Variants in JDP2 observed in about 807,000 individuals in gnomAD.
The protein encoded by JDP2 is Jun dimerization protein 2.
In JDP2, 9 loss-of-function variants were observed where a neutral mutation model predicts 17.1. The ratio of observed to expected loss-of-function variants is 0.53; its 90% CI spans 0.32 to 0.92. The LOEUF (loss-of-function observed/expected upper bound fraction) is 0.92, where lower values mean the gene tolerates loss of function less well. Ranked by LOEUF, JDP2 falls within the 40% of genes least tolerant of loss-of-function variation. JDP2 has a pLI of 0.04. For synonymous variants in JDP2, 107 were observed against 95.6 expected, an observed-to-expected ratio of 1.12 and a Z score of -0.69; for missense variants, 179 against 220.0, an observed-to-expected ratio of 0.81 and a Z score of 1.18.
intron 2 of JDP2, among the ~76,000 whole-genome samples, chr14:75,453,396 CACTGACA>C (rs1057167589): frequency 1.3e-5 from 2 of 152,190 alleles, no homozygotes; most frequent in African/African-American, 4.8e-5. Flanking sequence ...CAGGCCTGCT[CACTGACA>C]ACTCAGCACG....
Position 75,473,067 on chromosome 14 carries a change from T to A in JDP2, c.*3592T>A, listed in dbSNP as rs914657778. The A allele has an allele frequency of 2.0e-5, 3 of 152,102 alleles. No homozygotes were observed. In the East Asian group the frequency reaches 5.8e-4, roughly 29 times the overall value. 9.4% of individuals were successfully genotyped at this position (152,102 alleles called of 1,614,324 possible). On this transcript the variant is annotated 3_prime_UTR_variant, in exon 4 of 4. Transcript: ENST00000651602. ...TAGCTATCAGATGGGCAGAAACAAG[T>A]ATGTGTTGGTAAGAATATGGATTAA... is the stretch of plus-strand genomic sequence containing the variant.
intron 2 of JDP2, 120 bp from the exon 3 acceptor site, chr14:75,461,306 C>T: frequency 2.8e-6 from 2 of 714,396 alleles, no homozygotes; most frequent in East Asian, 2.7e-5. Flanking sequence ...GAAGTGATCA[C>T]TTGTTCACTG....
chr14:75,441,118 C>CGA (rs558707428), intron 2 of JDP2, among the ~76,000 whole-genome samples: 1,594 of 150,332 alleles, frequency 0.011, 9 homozygotes, highest in East Asian at 0.021. Flanking sequence ...CTCCTAGTTC[C>CGA]GAGAGAGAGA....
chr14:75,438,054 C>A lies in JDP2; in HGVS notation c.134C>A (p.Ala45Asp). 6.2e-7 allele frequency: 1 copy of A among 1,614,052 alleles called. No individual in the cohort carries two copies. Among genetic ancestry groups the A allele is most frequent in the Non-Finnish European group, 8.5e-7 (1 of 1,179,968 alleles). ...LKYADIRNLGAMIAPLHFLEV... is the reference protein window; with the variant it reads ...LKYADIRNLGDMIAPLHFLEV... ...TACGCTGACATCCGCAACCTCGGGG[C>A]CATGATTGCACCCTTGCACTTCCTG... The change falls in exon 2 of 4, where the codon GCC becomes GAC. Residue 45 changes from alanine to aspartate, a missense_variant. By Grantham distance (126) the Ala-to-Asp change is moderately radical. Coordinates refer to ENST00000651602, the MANE Select transcript of JDP2 (RefSeq NM_001135048.2).
chr14:75,433,055 C>G (rs561373016), intron 1 of JDP2, among the ~76,000 whole-genome samples: 1 of 151,478 alleles, frequency 6.6e-6, no homozygotes, highest in Non-Finnish European at 1.5e-5. Flanking sequence ...ATTAGCCAGG[C>G]ATGGTGGCGC....
Position 75,428,847 on chromosome 14 carries a change from C to T in JDP2, c.-24+595C>T, listed in dbSNP as rs1255541625. Among the ~76,000 whole-genome samples, 1 of 152,128 alleles carries T rather than the reference C, an allele frequency of 6.6e-6. No individual in the cohort carries two copies. Among genetic ancestry groups the T allele is most frequent in the Non-Finnish European group, 1.5e-5 (1 of 68,016 alleles). On this transcript the variant is annotated intron_variant, in intron 1 of 3. Transcript: ENST00000651602. This position sits in a 1 kb window ranked among gnomAD's most constrained non-coding sequence, Gnocchi z 5.6. ...ATGGCCATTGCTTCGGAGCTCTGGG[C>T]TGGGAGGGGATCTAGGGGTGGCCGG...
chr14:75,470,344 AGTCTCT>A lies in JDP2; in HGVS notation c.*871_*876del, dbSNP rs1481068249. The A allele has an allele frequency of 6.7e-6, 1 of 148,618 alleles. No individual in the cohort carries two copies. The highest frequency in any genetic ancestry group is 1.5e-5 in the Non-Finnish European group (1 of 67,222). The allele number at this position is 148,618 out of a possible 1,614,324, so 9.2% of individuals were successfully genotyped here. A position where few individuals can be genotyped will look rare whatever the true frequency, so the allele number is the denominator to read the frequency against. ...GTTGTGTGTAACTCCTAAGTACTGT[AGTCTCT>A]GGGTGTCGGGGGTGGCCAGGGCGGG... On this transcript the variant is annotated 3_prime_UTR_variant, in exon 4 of 4. Coordinates refer to ENST00000651602, the MANE Select transcript of JDP2 (RefSeq NM_001135048.2).
At chr14:75,445,339 G>A (rs1170891433) in intron 2 of JDP2, 5 of 985,396 alleles carry the variant, frequency 5.1e-6, no homozygotes, top group Non-Finnish European at 6.0e-6. Flanking sequence ...TCCAGGTTGT[G>A]TACAACCTGC....
intron 2 of JDP2, among the ~76,000 whole-genome samples, chr14:75,451,512 G>A (rs741846): frequency 0.26 from 39,451 of 152,092 alleles, 6,135 homozygotes; most frequent in East Asian, 0.45. Context: ...GTTGGCATTA[G>A]TGTATGGGTG....
intron 1 of JDP2, among the ~76,000 whole-genome samples, chr14:75,435,715 C>G (rs978967441): frequency 3.3e-5 from 5 of 152,182 alleles, no homozygotes; most frequent in Non-Finnish European, 7.3e-5. Context: ...TCCTTCAGCT[C>G]TAAAACTGTA....
At position 75,441,610 on chromosome 14, in the gene JDP2, A is replaced by T. The variant is rs925981603; in HGVS notation, c.201+3489A>T. Among the ~76,000 whole-genome samples the T allele has an allele frequency of 3.3e-5, 5 of 152,198 alleles. No homozygotes were observed. In the East Asian group the frequency reaches 9.6e-4, roughly 29 times the overall value. On this transcript the variant is annotated intron_variant, in intron 2 of 3. Transcript: ENST00000651602. ...AGCACCACGAAGAAAAATTAAGCAG[A>T]CCAAGGACGTGGCAGTGGTAGGACT...
intron 2 of JDP2, among the ~76,000 whole-genome samples, chr14:75,460,844 A>G (rs1247509621): frequency 6.6e-6 from 1 of 152,160 alleles, no homozygotes; most frequent in Admixed American, 6.5e-5. Flanking sequence ...GTCTTAGTCC[A>G]TTTTGTGTTA....
rs1452076396 is a variant in JDP2, at chr14:75,449,725, C to G, written c.201+11604C>G. On this transcript the variant is annotated intron_variant, in intron 2 of 3. Coordinates refer to ENST00000651602, the MANE Select transcript of JDP2 (RefSeq NM_001135048.2). The stretch of plus-strand genomic sequence containing the variant: ...AAAAGACATCCTTCCCCAAATAGCT[C>G]TTCTCTAGCAAAAGGATTTCCTAGC... Among the ~76,000 whole-genome samples, 3 of 152,360 alleles carry G rather than the reference C, an allele frequency of 2.0e-5. No individual in the cohort carries two copies. In the East Asian group the frequency reaches 5.8e-4, roughly 29 times the overall value.
At chr14:75,461,601 G>A in intron 3 of JDP2, 71 bp downstream of exon 3, 2 of 1,206,752 alleles carry the variant, frequency 1.7e-6, no homozygotes, top group Non-Finnish European at 2.4e-6. Flanking sequence ...GACCAGGAGA[G>A]GCCATCAGAT....
intron 2 of JDP2, among the ~76,000 whole-genome samples, chr14:75,460,370 A>T (rs1886299473): frequency 6.6e-6 from 1 of 152,194 alleles, no homozygotes; most frequent in Admixed American, 6.5e-5. Flanking sequence ...TGTTAGTGAC[A>T]AGAGGAAATG....
At position 75,430,905 on chromosome 14, in the gene JDP2, T is replaced by C. The variant is rs1884766966; in HGVS notation, c.-24+2653T>C. Among the ~76,000 whole-genome samples the C allele has an allele frequency of 6.6e-6, 1 of 152,222 alleles. No individual in the cohort carries two copies. The highest frequency in any genetic ancestry group is 6.5e-5 in the Admixed American group (1 of 15,284). On this transcript the variant is annotated intron_variant, in intron 1 of 3. Transcript: ENST00000651602. The surrounding 1 kb of genome is among the most constrained non-coding windows in gnomAD (Gnocchi z 4.5). ...TTTTCAGACTGTGTTTCTTTACTTA[T>C]TGCTGGCTGTGGGAGGCCTGGCCAG...
At chr14:75,454,411 T>C (rs1267595060) in intron 2 of JDP2, among the ~76,000 whole-genome samples, 1 of 152,122 alleles carries the variant, frequency 6.6e-6, no homozygotes, top group Non-Finnish European at 1.5e-5. Context: ...TCTGCAAAAG[T>C]GGGGAAGCTG....
At chr14:75,432,133 T>C (rs1884831210) in intron 1 of JDP2, 4 of 606,758 alleles carry the variant, frequency 6.6e-6, no homozygotes, top group South Asian at 3.9e-5. Flanking sequence ...GGGACAGCCA[T>C]CTGAAGAGGG....
chr14:75,466,154 A>G (rs546234782), intron 3 of JDP2, among the ~76,000 whole-genome samples: 202 of 152,326 alleles, frequency 1.3e-3, no homozygotes, highest in African/African-American at 4.8e-3. Context: ...AGTTAGTTAC[A>G]TTCTGGCTGG....
Sources: allele counts gnomAD v4.1 joint callset (sites outside exome capture counted in the v4.1 genomes callset), GRCh38; gene constraint gnomAD v4.1.1; non-coding constraint Gnocchi (gnomAD v3.1); transcripts MANE v1.5; gene names NCBI Gene and HGNC (gene_info 2026-07-23, HGNC 2026-07-21).